BRD4: variants seen among roughly 807,000 people sequenced by gnomAD.
BRD4 encodes the protein bromodomain containing 4, also known as bromodomain-containing protein 4.
BRD4 carries 16 observed loss-of-function variants against 142.1 expected under a neutral mutation model. The ratio of observed to expected loss-of-function variants is 0.11; its 90% CI spans 0.08 to 0.17. The LOEUF is 0.17. BRD4 is among the 10% of genes least tolerant of loss of function. The probability of loss-of-function intolerance (pLI) is 1.00; values close to 1 mark genes in which losing one functional copy is unlikely to be tolerated. For synonymous variants in BRD4, 833 were observed against 707.5 expected (o/e 1.18, Z -2.82); for missense variants, 1,424 against 1,810.9 (o/e 0.79, Z 3.88).
At chr19:15,246,222 G>A (rs935496741) in intron 11 of BRD4, among the ~76,000 whole-genome samples, 1 of 152,176 alleles carries the variant, frequency 6.6e-6, no homozygotes, top group Admixed American at 6.5e-5. Flanking sequence ...CATGCCAGAA[G>A]GGAAAGCTTG....
chr19:15,325,420 G>A (rs1382962386), intron 1 of BRD4, among the ~76,000 whole-genome samples: 5 of 152,122 alleles, frequency 3.3e-5, no homozygotes, highest in East Asian at 1.9e-4. Context: ...TCGTACTGCC[G>A]GGTCAGGAGA....
intron 11 of BRD4, chr19:15,247,303 T>C (rs2047297413): frequency 4.3e-6 from 1 of 230,038 alleles, no homozygotes; most frequent in Non-Finnish European, 8.6e-6. Context: ...AGCCAGCTGG[T>C]GCGTCGAGGC....
chr19:15,323,651 C>T lies in BRD4; in HGVS notation c.-35+8639G>A, dbSNP rs77204897. 5.7e-3 allele frequency among the ~76,000 whole-genome samples: 869 copies of T among 152,258 alleles called. 7 individuals carry two copies. Among genetic ancestry groups the T allele is most frequent in the Admixed American group, 0.01 (154 of 15,288 alleles). Reference sequence around the variant, plus strand: ...CAAGGACACGAGAATTACTAATTCACGTTTCTGAAAATTGTGTAATACCAA... The same window carrying T: ...CAAGGACACGAGAATTACTAATTCATGTTTCTGAAAATTGTGTAATACCAA... On this transcript the variant is annotated intron_variant, in intron 1 of 19. Transcript: ENST00000679869.
Position 15,254,135 on chromosome 19 carries a change from A to C in BRD4, c.2158+17T>G. The C allele has an allele frequency of 6.2e-7, 1 of 1,604,680 alleles. No individual in the cohort carries two copies. Among genetic ancestry groups the C allele is most frequent in the East Asian group, 2.2e-5 (1 of 44,828 alleles). On this transcript the variant is annotated intron_variant, in intron 11 of 19. Coordinates refer to ENST00000679869, the MANE Select transcript of BRD4 (RefSeq NM_001379291.1). Reference sequence around the variant, plus strand: ...GGGAAGAGTTTGGTAAGACACGTAGAACACAAGTCACCTAACCTGTTTCGG... The same window carrying C: ...GGGAAGAGTTTGGTAAGACACGTAGCACACAAGTCACCTAACCTGTTTCGG...
At position 15,238,410 on chromosome 19, in the gene BRD4, A is replaced by T; in HGVS notation, c.4056T>A (p.Asp1352Glu). 1 of 1,614,168 alleles carries T rather than the reference A, an allele frequency of 6.2e-7. No homozygotes were observed. Among genetic ancestry groups the T allele is most frequent in the Non-Finnish European group, 8.5e-7 (1 of 1,180,016 alleles). Residue 1352 changes from aspartate (D) to glutamate (E), a missense_variant, in exon 20 of 20, where the codon GAT (aspartate) becomes GAA (glutamate). Physicochemically the swap from Asp to Glu is conservative, Grantham distance 45 (BLOSUM62 2). Transcript: ENST00000679869. The surrounding 1 kb of genome is among the most constrained non-coding windows in gnomAD (Gnocchi z 7.2). The stretch of plus-strand genomic sequence containing the variant: ...GATTTTCTTCAAATATTGACAATAG[A>T]TCACTCTGGAAATTCATGTCAATGG... Reference protein sequence around the residue: ...AATIDMNFQSDLLSIFEENLF With the variant: ...AATIDMNFQSELLSIFEENLF
intron 1 of BRD4, among the ~76,000 whole-genome samples, chr19:15,301,955 T>A (rs112891743): frequency 6.1e-5 from 9 of 148,446 alleles, no homozygotes; most frequent in South Asian, 2.1e-4. Flanking sequence ...TCATTTGAGG[T>A]CAGGAGTTTG....
In BRD4 at chr19:15,243,099, ATGCTGC is replaced by A; in HGVS notation, c.2964_2969del (p.Gln988_Gln989del). On this transcript the variant is annotated inframe_deletion, in exon 14 of 20. Coordinates refer to ENST00000679869, the MANE Select transcript of BRD4 (RefSeq NM_001379291.1). ...AGTGCACGGGCCGTGGAGGGGGCTG[ATGCTGC>A]TGCTGGGGTGGAGGCTGGGGCTGGG... The A allele has an allele frequency of 7.5e-7, 1 of 1,338,770 alleles. No homozygotes were observed. The allele number at this position is 1,338,770 out of a possible 1,614,324, so 82.9% of individuals were successfully genotyped here. A position where few individuals can be genotyped will look rare whatever the true frequency, so the allele number is the denominator to read the frequency against.
At chr19:15,242,535 GCTAC>G (rs1419831108) in intron 14 of BRD4, among the ~76,000 whole-genome samples, 1 of 152,112 alleles carries the variant, frequency 6.6e-6, no homozygotes, top group Non-Finnish European at 1.5e-5. Flanking sequence ...TAAGTTAGCT[GCTAC>G]CTGTCTGCGA....
intron 1 of BRD4, among the ~76,000 whole-genome samples, chr19:15,309,846 G>T (rs2047950980): frequency 6.6e-6 from 1 of 152,110 alleles, no homozygotes; most frequent in Non-Finnish European, 1.5e-5. Context: ...AAGAATCACT[G>T]TGCCGGAGTG....
intron 6 of BRD4, chr19:15,264,112 A>C (rs1568387849): frequency 1.4e-5 from 5 of 355,416 alleles, no homozygotes; most frequent in Non-Finnish European, 2.6e-5. Flanking sequence ...TGTGTGGGCA[A>C]GGTACCTGGG....
chr19:15,252,465 G>A (rs1021474097), intron 11 of BRD4, among the ~76,000 whole-genome samples: 1 of 152,200 alleles, frequency 6.6e-6, no homozygotes, highest in African/African-American at 2.4e-5. Context: ...CTGGAGGCTT[G>A]GCTGGCATGG....
chr19:15,303,080 G>C (rs2047885053), intron 1 of BRD4, among the ~76,000 whole-genome samples: 1 of 151,016 alleles, frequency 6.6e-6, no homozygotes, highest in Admixed American at 6.6e-5. Context: ...TCTGTGACTT[G>C]TGCTTTACAC....
chr19:15,280,437 A>T (rs1434011623), intron 1 of BRD4: 3 of 1,013,508 alleles, frequency 3.0e-6, no homozygotes, highest in Non-Finnish European at 3.5e-6. Context: ...TTCTAGCAGT[A>T]GTATTCCAAA....
At chr19:15,259,596 T>G (rs1045410682) in intron 7 of BRD4, among the ~76,000 whole-genome samples, 1 of 152,236 alleles carries the variant, frequency 6.6e-6, no homozygotes, top group African/African-American at 2.4e-5. Context: ...TGTGACCCTG[T>G]CATCCTTCCC....
At chr19:15,272,737 C>G in intron 2 of BRD4, 78 bp downstream of exon 2, 1 of 1,409,254 alleles carries the variant, frequency 7.1e-7, no homozygotes. Context: ...ACCCTCCCCC[C>G]AGGAACTGCC....
chr19:15,313,170 G>C (rs982283841), intron 1 of BRD4, among the ~76,000 whole-genome samples: 1 of 150,352 alleles, frequency 6.7e-6, no homozygotes, highest in South Asian at 2.1e-4. Context: ...AGGAGATCGA[G>C]ACCATCCTGG....
chr19:15,287,881 G>A (rs1476378998), intron 1 of BRD4, among the ~76,000 whole-genome samples: 1 of 151,712 alleles, frequency 6.6e-6, no homozygotes, highest in Admixed American at 6.6e-5. Context: ...CGATTCTTGT[G>A]CCTCAGCCTC....
chr19:15,260,092 C>T (rs1421284504), intron 7 of BRD4, among the ~76,000 whole-genome samples: 4 of 152,248 alleles, frequency 2.6e-5, no homozygotes, highest in Non-Finnish European at 5.9e-5. Flanking sequence ...CACAGACCTA[C>T]ACCTCACTCC....
At chr19:15,288,790 T>C (rs2047759496) in intron 1 of BRD4, among the ~76,000 whole-genome samples, 1 of 152,064 alleles carries the variant, frequency 6.6e-6, no homozygotes, top group African/African-American at 2.4e-5. Flanking sequence ...AGCACACTAC[T>C]CTGTGAATGG....
Sources: gnomAD v4.1 joint callset for allele counts (sites outside exome capture counted in the v4.1 genomes callset) on GRCh38, gnomAD v4.1.1 for gene constraint, Gnocchi (gnomAD v3.1) non-coding constraint, MANE v1.5 for transcripts, NCBI Gene and HGNC (gene_info 2026-07-23, HGNC 2026-07-21) for gene names.